The following CACNA2D3 variants were observed in gnomAD, a reference collection of about 807,000 sequenced individuals.
The protein encoded by CACNA2D3 is voltage-dependent calcium channel subunit alpha-2/delta-3.
In CACNA2D3, 60 loss-of-function variants were observed where a neutral mutation model predicts 160.6. The ratio of observed to expected loss-of-function variants is 0.37; its 90% CI spans 0.30 to 0.46. CACNA2D3 has a LOEUF of 0.46. CACNA2D3 is among the 20% of genes least tolerant of loss of function. CACNA2D3 has a pLI of 1.00. For missense variants in CACNA2D3, 1,205 were observed against 1,365.0 expected (o/e 0.88, Z 1.85); for synonymous variants, 558 against 492.9 (o/e 1.13, Z -1.75).
At chr3:54,800,591 T>G (rs1347069629) in intron 13 of CACNA2D3, among the ~76,000 whole-genome samples, 1 of 152,198 alleles carries the variant, frequency 6.6e-6, no homozygotes, top group Non-Finnish European at 1.5e-5. Context: ...GGGCCTTCCC[T>G]CCACTGATAC....
intron 2 of CACNA2D3, among the ~76,000 whole-genome samples, chr3:54,124,954 T>C (rs1327047257): frequency 1.3e-5 from 2 of 152,238 alleles, no homozygotes; most frequent in East Asian, 3.8e-4. Flanking sequence ...TAGTATTCTT[T>C]TAATCTGGAC....
At chr3:54,828,083 CTTAG>C (rs757978786) in intron 14 of CACNA2D3, among the ~76,000 whole-genome samples, 36 of 152,268 alleles carry the variant, frequency 2.4e-4, no homozygotes, top group African/African-American at 6.3e-4. Flanking sequence ...CTCATTTCCA[CTTAG>C]TTAGGGAAGG....
chr3:54,983,687 A>G (rs1045894311), intron 29 of CACNA2D3, among the ~76,000 whole-genome samples: 1 of 152,200 alleles, frequency 6.6e-6, no homozygotes, highest in African/African-American at 2.4e-5. Context: ...TGCCTAACCA[A>G]AACCACCCCT....
chr3:54,796,307 C>G (rs1274515080), intron 13 of CACNA2D3, among the ~76,000 whole-genome samples: 1 of 152,060 alleles, frequency 6.6e-6, no homozygotes, highest in Non-Finnish European at 1.5e-5. Flanking sequence ...GTACTTGAAC[C>G]CTAGAGTTCT....
In CACNA2D3 at chr3:54,172,634, A is replaced by G. The variant is rs77378381; in HGVS notation, c.204+49040A>G. Reference sequence around the variant, plus strand: ...AAAAGTATGTGAATTAGATTGAAACATGAAACTGTTGATATTTCATCATTT... The same window carrying G: ...AAAAGTATGTGAATTAGATTGAAACGTGAAACTGTTGATATTTCATCATTT... On this transcript the variant is annotated intron_variant, in intron 2 of 37. Coordinates refer to ENST00000474759, the MANE Select transcript of CACNA2D3 (RefSeq NM_018398.3). 0.014 allele frequency among the ~76,000 whole-genome samples: 2,169 copies of G among 152,338 alleles called. 125 individuals carry two copies. The East Asian group carries it at 0.21, about 14-fold the overall frequency.
chr3:54,843,049 C>T (rs1698855862), intron 16 of CACNA2D3, among the ~76,000 whole-genome samples: 1 of 150,676 alleles, frequency 6.6e-6, no homozygotes. Context: ...GCAACTTCCA[C>T]CTCCCGGGTT....
intron 35 of CACNA2D3, among the ~76,000 whole-genome samples, chr3:55,051,579 A>G (rs1438158636): frequency 6.6e-6 from 1 of 151,908 alleles, no homozygotes; most frequent in African/African-American, 2.4e-5. Flanking sequence ...CCCTCCCTCC[A>G]GAGGTGGAGG....
At chr3:54,502,901 C>A (rs1391260016) in intron 4 of CACNA2D3, among the ~76,000 whole-genome samples, 1 of 152,130 alleles carries the variant, frequency 6.6e-6, no homozygotes, top group Non-Finnish European at 1.5e-5. Flanking sequence ...CAGCACACTC[C>A]CATCTGAGGG....
At chr3:54,359,103 G>A (rs1178612598) in intron 3 of CACNA2D3, among the ~76,000 whole-genome samples, 1 of 152,138 alleles carries the variant, frequency 6.6e-6, no homozygotes, top group East Asian at 1.9e-4. Context: ...TTAAACGAAT[G>A]TATTGCACTA....
chr3:54,269,488 T>C (rs1327007284), intron 2 of CACNA2D3, among the ~76,000 whole-genome samples: 1 of 152,156 alleles, frequency 6.6e-6, no homozygotes, highest in Admixed American at 6.5e-5. Flanking sequence ...GATGCAAAGC[T>C]AAACATTGTG....
chr3:54,346,726 CTT>C (rs1698465011), intron 3 of CACNA2D3, among the ~76,000 whole-genome samples: 1 of 152,106 alleles, frequency 6.6e-6, no homozygotes, highest in Non-Finnish European at 1.5e-5. Context: ...AGGGCTCACT[CTT>C]TGTGTTGTAT....
intron 3 of CACNA2D3, among the ~76,000 whole-genome samples, chr3:54,354,199 T>G (rs1698610762): frequency 6.6e-6 from 1 of 152,156 alleles, no homozygotes; most frequent in Non-Finnish European, 1.5e-5. Context: ...ATTTTTCTCC[T>G]TAGAGTTATT....
chr3:54,213,221 C>T (rs1701407012), intron 2 of CACNA2D3, among the ~76,000 whole-genome samples: 1 of 152,172 alleles, frequency 6.6e-6, no homozygotes, highest in Admixed American at 6.5e-5. Flanking sequence ...TAATTTGCTT[C>T]CTGAAAACCT....
intron 2 of CACNA2D3, among the ~76,000 whole-genome samples, chr3:54,263,244 A>G (rs774286673): frequency 4.6e-5 from 7 of 152,234 alleles, no homozygotes; most frequent in African/African-American, 7.2e-5. Context: ...GTGCTTATTC[A>G]TAGTCCTATT....
intron 2 of CACNA2D3, among the ~76,000 whole-genome samples, chr3:54,290,342 A>G (rs897866862): frequency 3.9e-5 from 6 of 152,212 alleles, no homozygotes; most frequent in African/African-American, 1.4e-4. Flanking sequence ...AGAAATACAA[A>G]TCAAAACCAC....
At chr3:54,490,989 A>G (rs1287902112) in intron 4 of CACNA2D3, among the ~76,000 whole-genome samples, 1 of 152,190 alleles carries the variant, frequency 6.6e-6, no homozygotes, top group Non-Finnish European at 1.5e-5. Context: ...CACGTTACAG[A>G]TGAGGAGACT....
intron 2 of CACNA2D3, among the ~76,000 whole-genome samples, chr3:54,165,101 T>C (rs1407437689): frequency 6.7e-6 from 1 of 148,644 alleles, no homozygotes. Flanking sequence ...AATGCTTGAC[T>C]TCTCTGAATC....
chr3:54,206,572 C>A (rs952081662), intron 2 of CACNA2D3, among the ~76,000 whole-genome samples: 1 of 152,168 alleles, frequency 6.6e-6, no homozygotes, highest in Admixed American at 6.5e-5. Flanking sequence ...CGCGACCCAA[C>A]CTTGAGAGGG....
At chr3:54,826,152 G>A (rs1481628601) in intron 14 of CACNA2D3, among the ~76,000 whole-genome samples, 1 of 152,194 alleles carries the variant, frequency 6.6e-6, no homozygotes, top group Non-Finnish European at 1.5e-5. Flanking sequence ...GTCTGGTCAT[G>A]TTCAGCTGCC....
Sources: allele counts gnomAD v4.1 joint callset (sites outside exome capture counted in the v4.1 genomes callset), GRCh38; gene constraint gnomAD v4.1.1; transcripts MANE v1.5; gene names NCBI Gene and HGNC (gene_info 2026-07-23, HGNC 2026-07-21).